SMIM14: variants seen among roughly 807,000 people sequenced by gnomAD.
The protein encoded by SMIM14 is small integral membrane protein 14.
SMIM14 carries 5 observed loss-of-function variants against 12.6 expected under a neutral mutation model. The observed-to-expected ratio is 0.40, with a 90% confidence interval of 0.21 to 0.83. The LOEUF is 0.83. Among genes scored for constraint, SMIM14 ranks in the 40% least tolerant of loss-of-function variants. The probability of loss-of-function intolerance (pLI) is 0.37; values close to 1 mark genes in which losing one functional copy is unlikely to be tolerated. For synonymous variants in SMIM14, 30 were observed against 40.1 expected (o/e 0.75, Z 0.95); for missense variants, 86 against 119.1 (o/e 0.72, Z 1.29).
At chr4:39,623,917 G>A (rs1326031818) in intron 1 of SMIM14, among the ~76,000 whole-genome samples, 2 of 152,012 alleles carry the variant, frequency 1.3e-5, no homozygotes, top group Non-Finnish European at 2.9e-5. Context: ...TAACAATTTA[G>A]AATGTATGCA....
chr4:39,618,225 T>G (rs956683551), intron 1 of SMIM14, among the ~76,000 whole-genome samples: 19 of 152,076 alleles, frequency 1.2e-4, no homozygotes, highest in African/African-American at 4.6e-4. Context: ...TGAGGAGAAC[T>G]TACACCATAA....
chr4:39,626,755 T>G lies in SMIM14; in HGVS notation c.-36+11984A>C, dbSNP rs114493303. Among the ~76,000 whole-genome samples the G allele has an allele frequency of 6.3e-3, 964 of 152,288 alleles. 12 individuals carry two copies. Among genetic ancestry groups the G allele is most frequent in the African/African-American group, 0.022 (918 of 41,562 alleles). ...AAACTCAAGGAAAGGAGAACGCTTT[T>G]CTCCTTGACCTTCTATTCCATCACT... On this transcript the variant is annotated intron_variant, in intron 1 of 4. Coordinates refer to ENST00000295958, the MANE Select transcript of SMIM14 (RefSeq NM_174921.3).
At chr4:39,582,504 A>C (rs1450457644) in intron 2 of SMIM14, among the ~76,000 whole-genome samples, 1 of 151,792 alleles carries the variant, frequency 6.6e-6, no homozygotes, top group Non-Finnish European at 1.5e-5. Context: ...GTCTCTACTA[A>C]AAATACGAAA....
chr4:39,591,949 T>G (rs1192598599), intron 2 of SMIM14, among the ~76,000 whole-genome samples: 2 of 152,040 alleles, frequency 1.3e-5, no homozygotes, highest in Non-Finnish European at 2.9e-5. Flanking sequence ...ATCTTAGCAC[T>G]TAAGGAGGGT....
chr4:39,599,782 C>T (rs1429149811), intron 2 of SMIM14, among the ~76,000 whole-genome samples: 1 of 151,844 alleles, frequency 6.6e-6, no homozygotes, highest in African/African-American at 2.4e-5. Flanking sequence ...ATTAGCTGGG[C>T]ATGGTAGCGC....
chr4:39,589,287 A>T (rs1422275268), intron 2 of SMIM14, among the ~76,000 whole-genome samples: 1 of 152,078 alleles, frequency 6.6e-6, no homozygotes, highest in Non-Finnish European at 1.5e-5. Flanking sequence ...AGTTTTCACC[A>T]TGTTGACCAG....
At chr4:39,637,989 A>G (rs1716164532) in intron 1 of SMIM14, among the ~76,000 whole-genome samples, 1 of 152,228 alleles carries the variant, frequency 6.6e-6, no homozygotes, top group Non-Finnish European at 1.5e-5. Context: ...CAACTGGGGC[A>G]ACTGAAAACA....
At chr4:39,597,590 CCT>C in intron 2 of SMIM14, among the ~76,000 whole-genome samples, 2 of 151,818 alleles carry the variant, frequency 1.3e-5, no homozygotes, top group Non-Finnish European at 2.9e-5. Context: ...ATTACAGGCA[CCT>C]GCCACCACAC....
chr4:39,607,770 T>C (rs73240629), intron 1 of SMIM14, among the ~76,000 whole-genome samples: 14 of 152,292 alleles, frequency 9.2e-5, no homozygotes, highest in Non-Finnish European at 1.5e-4. Flanking sequence ...AATGGAATAT[T>C]TGCAAATCAT....
intron 1 of SMIM14, among the ~76,000 whole-genome samples, chr4:39,618,860 C>T (rs1370295088): frequency 6.6e-6 from 1 of 151,916 alleles, no homozygotes; most frequent in Non-Finnish European, 1.5e-5. Flanking sequence ...GGGTGTCAAG[C>T]CCCCTGTTGA....
At chr4:39,602,317 G>A (rs559366282) in intron 2 of SMIM14, among the ~76,000 whole-genome samples, 20 of 151,140 alleles carry the variant, frequency 1.3e-4, no homozygotes, top group Admixed American at 7.9e-4. Context: ...AATATTGGCC[G>A]GGCGCAGTGG....
chr4:39,611,132 G>A (rs770033156), intron 1 of SMIM14, among the ~76,000 whole-genome samples: 56 of 152,256 alleles, frequency 3.7e-4, no homozygotes, highest in Non-Finnish European at 6.8e-4. Flanking sequence ...TACATTCACA[G>A]GAAAATACAG....
At chr4:39,619,876 A>ATATTTTTT (rs71192884) in intron 1 of SMIM14, among the ~76,000 whole-genome samples, 2 of 115,868 alleles carry the variant, frequency 1.7e-5, no homozygotes, top group African/African-American at 6.9e-5. Context: ...ATATATATAT[A>ATATTTTTT]TTTTTTTTTT....
At chr4:39,615,693 A>G (rs995796671) in intron 1 of SMIM14, among the ~76,000 whole-genome samples, 34 of 152,166 alleles carry the variant, frequency 2.2e-4, no homozygotes, top group Non-Finnish European at 2.6e-4. Context: ...TAAAAAAATG[A>G]TATTTTAAAA....
intron 2 of SMIM14, among the ~76,000 whole-genome samples, chr4:39,582,331 A>G (rs1330446921): frequency 6.6e-6 from 1 of 152,128 alleles, no homozygotes; most frequent in Non-Finnish European, 1.5e-5. Context: ...CAAATAATTC[A>G]TAAGAGAAAA....
intron 1 of SMIM14, among the ~76,000 whole-genome samples, chr4:39,611,146 C>T (rs774680126): frequency 1.5e-4 from 23 of 152,166 alleles, no homozygotes; most frequent in Non-Finnish European, 2.9e-4. Flanking sequence ...AATACAGAAC[C>T]AATAAGCAAA....
chr4:39,635,683 G>C lies in SMIM14; in HGVS notation c.-36+3056C>G, dbSNP rs151227122. Among the ~76,000 whole-genome samples, 195 of 152,290 alleles carry C rather than the reference G, an allele frequency of 1.3e-3. 1 individual carries two copies. The highest frequency in any genetic ancestry group is 4.2e-3 in the African/African-American group (176 of 41,552). On this transcript the variant is annotated intron_variant, in intron 1 of 4. Coordinates refer to ENST00000295958, the MANE Select transcript of SMIM14 (RefSeq NM_174921.3). ...ATCCAAGAGATGCAAAATGAAAATA[G>C]AGATTTAAAGATTTTAGGTAAGTTT...
intron 3 of SMIM14, among the ~76,000 whole-genome samples, chr4:39,557,354 TCTCA>T (rs1712072483): frequency 6.6e-6 from 1 of 151,818 alleles, no homozygotes; most frequent in Admixed American, 6.6e-5. Context: ...AGTGACGACG[TCTCA>T]CTATGTTGCC....
intron 2 of SMIM14, among the ~76,000 whole-genome samples, chr4:39,584,149 A>G (rs1432024445): frequency 6.6e-6 from 1 of 151,958 alleles, no homozygotes; most frequent in Non-Finnish European, 1.5e-5. Context: ...ATCTGATCAC[A>G]TTTTGATTAA....
Sources: allele counts gnomAD v4.1 joint callset (sites outside exome capture counted in the v4.1 genomes callset), GRCh38; gene constraint gnomAD v4.1.1; transcripts MANE v1.5; gene names NCBI Gene and HGNC (gene_info 2026-07-23, HGNC 2026-07-21).